Variants in PCDH15 observed in about 807,000 individuals in gnomAD.
PCDH15 encodes the protein protocadherin related 15.
In PCDH15, 129 loss-of-function variants were observed where a neutral mutation model predicts 178.5. The observed-to-expected ratio is 0.72, with a 90% CI of 0.63 to 0.84. The LOEUF (loss-of-function observed/expected upper bound fraction) is 0.84, where lower values mean the gene tolerates loss of function less well. Ranked by LOEUF, PCDH15 falls within the 40% of genes least tolerant of loss-of-function variation. The pLI, the probability that PCDH15 is intolerant of heterozygous loss-of-function variation, is 0.00. For missense variants in PCDH15, 2,230 were observed against 2,099.9 expected (o/e 1.06, Z -1.21); for synonymous variants, 800 against 732.0 (o/e 1.09, Z -1.50).
intron 3 of PCDH15, among the ~76,000 whole-genome samples, chr10:54,440,074 A>G (rs2075702705): frequency 6.6e-6 from 1 of 152,026 alleles, no homozygotes; most frequent in Non-Finnish European, 1.5e-5. Context: ...AAAACTTCAC[A>G]TGATTTAAGA....
At chr10:54,804,586 C>A (rs1426535237), upstream of PCDH15, among the ~76,000 whole-genome samples, 2 of 151,784 alleles carry the variant, frequency 1.3e-5, no homozygotes, top group Non-Finnish European at 2.9e-5. Context: ...ATATGTTTAG[C>A]AGATTTTTGC....
rs566605433 is a variant in PCDH15 at position 55,160,137 on chromosome 10, A to T, written c.-80+6439T>A. ...ATCCAGTTCTGGGTCATAAAATATC[A>T]ATGTAAAAATTTGTGCTTCTGAGAA... On this transcript the variant is annotated intron_variant, in intron 2 of 5. Transcript: ENST00000458638. Among the ~76,000 whole-genome samples the T allele has an allele frequency of 1.1e-3, 168 of 152,126 alleles. 1 individual carries two copies. The highest frequency in any genetic ancestry group is 3.9e-3 in the African/African-American group (161 of 41,532).
At chr10:55,529,687 G>T (rs1277508691) in intron 2 of PCDH15, among the ~76,000 whole-genome samples, 2 of 140,494 alleles carry the variant, frequency 1.4e-5, no homozygotes, top group Non-Finnish European at 3.0e-5. Context: ...TGCCTTTAGG[G>T]ATTATAAATA....
intron 7 of PCDH15, among the ~76,000 whole-genome samples, chr10:54,327,093 T>G (rs1262795075): frequency 6.6e-6 from 1 of 152,026 alleles, no homozygotes; most frequent in Non-Finnish European, 1.5e-5. Flanking sequence ...GGATAGAAGT[T>G]GTTCCAGATG....
chr10:54,355,740 A>C (rs532943308), intron 5 of PCDH15, among the ~76,000 whole-genome samples: 11 of 152,220 alleles, frequency 7.2e-5, no homozygotes, highest in Non-Finnish European at 1.5e-4. Flanking sequence ...TTCTTCAAAT[A>C]ATTATTACTG....
intron 2 of PCDH15, among the ~76,000 whole-genome samples, chr10:55,342,291 G>A (rs1263757868): frequency 6.6e-5 from 10 of 151,550 alleles, no homozygotes; most frequent in East Asian, 1.9e-4. Flanking sequence ...TGATTAAACT[G>A]TACATTATAT....
intron 7 of PCDH15, among the ~76,000 whole-genome samples, chr10:54,321,761 T>C (rs7081334): frequency 0.25 from 38,206 of 151,702 alleles, 5,245 homozygotes; most frequent in African/African-American, 0.37. Flanking sequence ...TTTTCTCATA[T>C]TGGGGAAAGA....
chr10:55,303,472 G>T (rs143635725), intron 1 of PCDH15, among the ~76,000 whole-genome samples: 1 of 152,034 alleles, frequency 6.6e-6, no homozygotes, highest in African/African-American at 2.4e-5. Flanking sequence ...CTTGGTAATC[G>T]GATAAAACAC....
intron 3 of PCDH15, among the ~76,000 whole-genome samples, chr10:54,484,422 C>T (rs1369176238): frequency 6.6e-6 from 1 of 151,878 alleles, no homozygotes; most frequent in African/African-American, 2.4e-5. Context: ...TTTTCACTTG[C>T]CTGGGTAGAG....
intron 2 of PCDH15, among the ~76,000 whole-genome samples, chr10:54,597,070 C>A (rs1590367055): frequency 6.6e-6 from 1 of 152,052 alleles, no homozygotes; most frequent in East Asian, 1.9e-4. Flanking sequence ...ATAATCAGAA[C>A]ATGAACTTAA....
chr10:54,517,331 A>G lies in PCDH15; in HGVS notation c.157+10481T>C, dbSNP rs1300143051. 3.3e-5 allele frequency among the ~76,000 whole-genome samples: 5 copies of G among 152,316 alleles called. No individual in the cohort carries two copies. The South Asian group carries it at 1.0e-3, about 32-fold the overall frequency. On this transcript the variant is annotated intron_variant, in intron 3 of 37. Transcript: ENST00000644397. The stretch of plus-strand genomic sequence containing the variant: ...CAGGAAACCCATCTCATGTGCAGAG[A>G]CACACATAGGCTCAAAATAAAGGGA...
intron 1 of PCDH15, among the ~76,000 whole-genome samples, chr10:54,686,811 G>A (rs1287133766): frequency 7.2e-5 from 11 of 152,074 alleles, no homozygotes; most frequent in Admixed American, 7.2e-4. Context: ...GTACAGCAAA[G>A]GAAACAACAG....
chr10:55,550,709 T>C (rs1463789093), intron 2 of PCDH15, among the ~76,000 whole-genome samples: 1 of 152,090 alleles, frequency 6.6e-6, no homozygotes, highest in Non-Finnish European at 1.5e-5. Context: ...GAAGAAGAAA[T>C]ATACATCCAC....
Position 55,537,595 on chromosome 10 carries a change from C to G in PCDH15, c.-156+90030G>C, listed in dbSNP as rs980057360. The stretch of plus-strand genomic sequence containing the variant: ...GGATTACAGGCACGTGCCATCACAC[C>G]TGGCTAATTTTTGTATTTTTAGTAC... On this transcript the variant is annotated intron_variant, in intron 2 of 5. Coordinates refer to the PCDH15 transcript ENST00000613346. Among the ~76,000 whole-genome samples, 5 of 152,186 alleles carry G rather than the reference C, an allele frequency of 3.3e-5. No homozygotes were observed. In the East Asian group the frequency reaches 7.8e-4, roughly 24 times the overall value.
chr10:55,532,756 G>T (rs1841481902), intron 2 of PCDH15, among the ~76,000 whole-genome samples: 4 of 151,956 alleles, frequency 2.6e-5, no homozygotes, highest in African/African-American at 9.7e-5. Flanking sequence ...GAGAATTCCT[G>T]CACATCAGGC....
At chr10:54,907,806 T>C (rs924003854) in intron 2 of PCDH15, among the ~76,000 whole-genome samples, 5 of 152,324 alleles carry the variant, frequency 3.3e-5, no homozygotes, top group African/African-American at 7.2e-5. Context: ...CCTAATGATA[T>C]AATTGAAAAT....
chr10:54,409,514 T>A (rs1357593368), intron 3 of PCDH15, among the ~76,000 whole-genome samples: 2 of 151,870 alleles, frequency 1.3e-5, no homozygotes, highest in African/African-American at 4.8e-5. Flanking sequence ...CATATGATAT[T>A]AAAAAAAAGC....
intron 2 of PCDH15, among the ~76,000 whole-genome samples, chr10:55,562,804 G>A (rs142449248): frequency 4.6e-5 from 7 of 152,094 alleles, no homozygotes; most frequent in South Asian, 2.1e-4. Flanking sequence ...CGGAAACATT[G>A]TGAAAGAGTC....
intron 8 of PCDH15, among the ~76,000 whole-genome samples, chr10:54,270,462 T>C (rs1178593891): frequency 3.9e-5 from 6 of 152,160 alleles, no homozygotes; most frequent in African/African-American, 9.7e-5. Context: ...ATTTTCTAAA[T>C]AGCCCTGGGA....
Sources: allele counts gnomAD v4.1 joint callset (sites outside exome capture counted in the v4.1 genomes callset), GRCh38; gene constraint gnomAD v4.1.1; transcripts MANE v1.5; gene names NCBI Gene and HGNC (gene_info 2026-07-23, HGNC 2026-07-21).